Variants in HADHB observed in about 807,000 individuals in gnomAD.
HADHB encodes hydroxyacyl-CoA dehydrogenase trifunctional multienzyme complex subunit beta.
Under a neutral mutation model 61.9 loss-of-function variants are expected in HADHB, and 50 were observed. That is an observed-to-expected ratio of 0.81 (90% CI 0.64 to 1.02). The LOEUF (loss-of-function observed/expected upper bound fraction) is 1.02. Ranked by LOEUF, HADHB falls within the 50% of genes least tolerant of loss-of-function variation. The pLI, the probability that HADHB is intolerant of heterozygous loss-of-function variation, is 0.00. For missense variants in HADHB, 504 were observed against 586.5 expected (o/e 0.86, Z 1.45); for synonymous variants, 191 against 201.6 (o/e 0.95, Z 0.45).
intron 13 of HADHB, 85 bp downstream of exon 13, chr2:26,284,289 T>TA (rs1672925754): frequency 1.2e-6 from 1 of 823,652 alleles, no homozygotes; most frequent in African/African-American, 1.7e-5. Flanking sequence ...AGGCATGGTT[T>TA]ATGATGTGAG....
chr2:26,260,991 T>C (rs1379121155), intron 3 of HADHB: 2 of 1,510,840 alleles, frequency 1.3e-6, no homozygotes, highest in Admixed American at 2.0e-5. Flanking sequence ...AGAGAGAATC[T>C]GACCAACACA....
intron 10 of HADHB, among the ~76,000 whole-genome samples, chr2:26,280,959 G>A (rs1456059855): frequency 6.6e-6 from 1 of 151,678 alleles, no homozygotes; most frequent in African/African-American, 2.4e-5. Flanking sequence ...GAAAAGTTAG[G>A]TTGGAGCATA....
chr2:26,252,221 TA>T (rs2147798569), intron 1 of HADHB, among the ~76,000 whole-genome samples: 1 of 152,338 alleles, frequency 6.6e-6, no homozygotes, highest in African/African-American at 2.4e-5. Flanking sequence ...CCATTACTTG[TA>T]ACATACTTTT....
intron 6 of HADHB, among the ~76,000 whole-genome samples, chr2:26,274,237 C>A (rs1436362120): frequency 2.0e-5 from 3 of 152,214 alleles, no homozygotes; most frequent in Non-Finnish European, 4.4e-5. Flanking sequence ...CAGGAGTTTA[C>A]TTTTGCCCTA....
Position 26,273,719 on chromosome 2 carries a change from A to G in HADHB, c.323A>G (p.Gln108Arg), listed in dbSNP as rs200528001. The part of the protein sequence containing the change: ...VDYIIFGTVI[Q>R]EVKTSNVARE... ...TATATCATCTTTGGTACAGTTATTC[A>G]GGAAGTGAAAACAAGCAATGTGGCT... Residue 108 changes from glutamine to arginine, a missense_variant, in exon 6 of 16, where the codon CAG becomes CGG. Physicochemically the swap from Gln to Arg is conservative, Grantham distance 43. Transcript: ENST00000317799. 2 of 1,605,840 alleles carry G rather than the reference A, an allele frequency of 1.2e-6. No individual in the cohort carries two copies. The highest frequency in any genetic ancestry group is 2.2e-5 in the East Asian group (1 of 44,788).
chr2:26,262,157 A>G (rs757966462), intron 3 of HADHB, among the ~76,000 whole-genome samples: 2 of 152,172 alleles, frequency 1.3e-5, no homozygotes, highest in Non-Finnish European at 1.5e-5. Flanking sequence ...TGTTTACTAT[A>G]AATACTTCTC....
intron 10 of HADHB, among the ~76,000 whole-genome samples, chr2:26,280,947 G>A (rs1210689319): frequency 1.3e-5 from 2 of 151,764 alleles, no homozygotes; most frequent in Admixed American, 6.6e-5. Flanking sequence ...GGGTTCTTTG[G>A]GGAAAAGTTA....
chr2:26,274,824 T>C (rs1428019454), intron 6 of HADHB, among the ~76,000 whole-genome samples: 1 of 152,200 alleles, frequency 6.6e-6, no homozygotes, highest in African/African-American at 2.4e-5. Context: ...TGTTTTCTCC[T>C]CTTGCTCAGC....
intron 6 of HADHB, among the ~76,000 whole-genome samples, chr2:26,275,202 C>CTA (rs1295671992): frequency 2.0e-5 from 3 of 151,864 alleles, no homozygotes; most frequent in African/African-American, 7.2e-5. Flanking sequence ...TTCTTAGGCC[C>CTA]TATTGCCTGT....
chr2:26,268,482 C>T (rs189036571), intron 4 of HADHB, among the ~76,000 whole-genome samples: 39 of 152,270 alleles, frequency 2.6e-4, no homozygotes, highest in African/African-American at 9.4e-4. Flanking sequence ...TCACTTGACC[C>T]AAATCATCAC....
intron 3 of HADHB, 106 bp downstream of exon 3, chr2:26,254,580 CT>C (rs2147801144): frequency 3.9e-6 from 3 of 771,158 alleles, no homozygotes; most frequent in East Asian, 5.3e-5. Flanking sequence ...TAATTCTCCC[CT>C]TTTTATGAGC....
chr2:26,245,629 C>T (rs891345133), intron 1 of HADHB, among the ~76,000 whole-genome samples: 8 of 152,008 alleles, frequency 5.3e-5, no homozygotes, highest in African/African-American at 1.9e-4. Context: ...TGATTTTACC[C>T]ATGGCCATAT....
intron 3 of HADHB, among the ~76,000 whole-genome samples, chr2:26,256,349 C>T (rs997755958): frequency 6.6e-6 from 1 of 152,084 alleles, no homozygotes; most frequent in African/African-American, 2.4e-5. Flanking sequence ...ACTAATTCCT[C>T]TTGAAGCTTG....
chr2:26,270,861 G>C (rs1485351538), intron 5 of HADHB, among the ~76,000 whole-genome samples: 1 of 148,758 alleles, frequency 6.7e-6, no homozygotes, highest in Non-Finnish European at 1.5e-5. Context: ...TCTGTATCCT[G>C]ACTGATTCTT....
At position 26,245,009 on chromosome 2, in the gene HADHB, A is replaced by G; in HGVS notation, c.-9+19A>G. On this transcript the variant is annotated intron_variant, in intron 1 of 15. Transcript: ENST00000317799. ...AGCCAAGGTGAGACGGCGAGCCCTC[A>G]GCTCTCCGCCCGGGCTTTCCCAAAG... 8.7e-6 allele frequency: 2 copies of G among 230,048 alleles called. No homozygotes were observed. Among genetic ancestry groups the G allele is most frequent in the East Asian group, 9.9e-5 (1 of 10,058 alleles). The allele number at this position is 230,048 out of a possible 1,614,324, so 14.3% of individuals were successfully genotyped here.
chr2:26,277,860 T>G (rs1036102101), intron 7 of HADHB, among the ~76,000 whole-genome samples: 1 of 152,254 alleles, frequency 6.6e-6, no homozygotes, highest in Non-Finnish European at 1.5e-5. Context: ...TCTTCCTTCC[T>G]TCACCACTAC....
intron 10 of HADHB, 75 bp downstream of exon 10, chr2:26,280,190 C>CT: frequency 8.3e-7 from 1 of 1,207,644 alleles, no homozygotes. Context: ...CCTAATATAA[C>CT]TTTTTGTGTG....
intron 4 of HADHB, among the ~76,000 whole-genome samples, chr2:26,266,691 C>A (rs1010289956): frequency 1.3e-5 from 2 of 151,460 alleles, no homozygotes; most frequent in African/African-American, 4.9e-5. Context: ...ACCAGCCTGG[C>A]CAACATGGCG....
intron 4 of HADHB, among the ~76,000 whole-genome samples, chr2:26,269,418 C>G (rs1672241394): frequency 6.6e-6 from 1 of 152,104 alleles, no homozygotes; most frequent in Non-Finnish European, 1.5e-5. Context: ...CCAGGCTGGT[C>G]TTGAACTCCT....
Sources: gnomAD v4.1 joint callset for allele counts (sites outside exome capture counted in the v4.1 genomes callset) on GRCh38, gnomAD v4.1.1 for gene constraint, MANE v1.5 for transcripts, NCBI Gene and HGNC (gene_info 2026-07-23, HGNC 2026-07-21) for gene names.